Variants in FEM1B observed in about 807,000 individuals in gnomAD.
The protein encoded by FEM1B is fem-1 homolog B, also known as protein fem-1 homolog B.
Under a neutral mutation model 38.6 loss-of-function variants are expected in FEM1B, and 10 were observed. The ratio of observed to expected loss-of-function variants is 0.26; its 90% CI spans 0.16 to 0.44. FEM1B has a LOEUF of 0.44. Ranked by LOEUF, FEM1B falls within the 20% of genes least tolerant of loss-of-function variation. The pLI is 1.00. For missense variants in FEM1B, 471 were observed against 786.7 expected, an observed-to-expected ratio of 0.60 and a Z score of 4.80; for synonymous variants, 288 against 288.0, an observed-to-expected ratio of 1.00 and a Z score of 0.00.
chr15:68,286,474 TCACACA>T (rs58268546), intron 1 of FEM1B, among the ~76,000 whole-genome samples: 3 of 149,716 alleles, frequency 2.0e-5, no homozygotes, highest in African/African-American at 4.9e-5. Context: ...CCTCTTGGAC[TCACACA>T]CACACACACA....
rs1417397170 is a variant in FEM1B at position 68,292,725 on chromosome 15, A to G, written c.*1483A>G. 1 of 151,936 alleles carries G rather than the reference A, an allele frequency of 6.6e-6. No individual in the cohort carries two copies. The highest frequency in any genetic ancestry group is 6.6e-5 in the Admixed American group (1 of 15,254). 9.4% of individuals were successfully genotyped at this position (151,936 alleles called of 1,614,324 possible). A position where few individuals can be genotyped will look rare whatever the true frequency, so the allele number is the denominator to read the frequency against. ...AAAAAAAGGTTTCAATTAACATTTT[A>G]TATATGGATAATGCTTTGTAAAGTG... On this transcript the variant is annotated 3_prime_UTR_variant, in exon 2 of 2. Coordinates refer to ENST00000306917, the MANE Select transcript of FEM1B (RefSeq NM_015322.5).
Position 68,288,101 on chromosome 15 carries a change from A to G in FEM1B, c.249-1506A>G, listed in dbSNP as rs1032296191. On this transcript the variant is annotated intron_variant, in intron 1 of 1. Transcript: ENST00000306917. This position sits in a 1 kb window ranked among gnomAD's most constrained non-coding sequence, Gnocchi z 4.6. ...CACTTCAGCCTCCCAAAGTACTGAG[A>G]TGATAGGCGTGAGCCACCATGCCAG... Among the ~76,000 whole-genome samples the G allele has an allele frequency of 4.2e-4, 64 of 152,188 alleles. No homozygotes were observed. The highest frequency in any genetic ancestry group is 1.5e-3 in the African/African-American group (62 of 41,416).
At position 68,278,284 on chromosome 15, in the gene FEM1B, C is replaced by CGCGGCG. The variant is rs565648577; in HGVS notation, c.-127_-122dup. 3.3e-4 allele frequency: 396 copies of CGCGGCG among 1,199,216 alleles called. 1 individual carries two copies. In the African/African-American group the frequency reaches 5.5e-3, roughly 17 times the overall value. The allele number at this position is 1,199,216 out of a possible 1,614,324, so 74.3% of individuals were successfully genotyped here. On this transcript the variant is annotated 5_prime_UTR_variant, in exon 1 of 2. Coordinates refer to ENST00000306917, the MANE Select transcript of FEM1B (RefSeq NM_015322.5). This position sits in a 1 kb window ranked among gnomAD's most constrained non-coding sequence, Gnocchi z 5.7. ...TCCCTGGGCCGCACTGCTGCCTGGG[C>CGCGGCG]GCGGCGGCGGCGACGGCGCCCTGTT... is the stretch of plus-strand genomic sequence containing the variant.
chr15:68,281,765 C>T lies in FEM1B; in HGVS notation c.248+3100C>T, dbSNP rs1414155250. Among the ~76,000 whole-genome samples, 2 of 152,106 alleles carry T rather than the reference C, an allele frequency of 1.3e-5. No homozygotes were observed. Among genetic ancestry groups the T allele is most frequent in the East Asian group, 3.9e-4 (2 of 5,186 alleles). Reference sequence around the variant, plus strand: ...CCCGAGTAGCTGGGACTACAGGTGCCCACAACCATGCCTGGCTATTTTTTG... The same window carrying T: ...CCCGAGTAGCTGGGACTACAGGTGCTCACAACCATGCCTGGCTATTTTTTG... On this transcript the variant is annotated intron_variant, in intron 1 of 1. Transcript: ENST00000306917. The surrounding 1 kb of genome is among the most constrained non-coding windows in gnomAD (Gnocchi z 5.1).
In FEM1B at chr15:68,280,297, C is replaced by T. The variant is rs924688383; in HGVS notation, c.248+1632C>T. On this transcript the variant is annotated intron_variant, in intron 1 of 1. Coordinates refer to ENST00000306917, the MANE Select transcript of FEM1B (RefSeq NM_015322.5). The surrounding 1 kb of genome is among the most constrained non-coding windows in gnomAD (Gnocchi z 4.2). ...TACTGGCCAGAGAAATTAATGAGTT[C>T]GGTAAGTAAACATTTATTGAACACC... 2 of 152,050 alleles carry T rather than the reference C, an allele frequency of 1.3e-5. No individual in the cohort carries two copies. Among genetic ancestry groups the T allele is most frequent in the African/African-American group, 2.4e-5 (1 of 41,388 alleles). The allele number at this position is 152,050 out of a possible 1,614,324, so 9.4% of individuals were successfully genotyped here.
chr15:68,286,850 A>C (rs1595840907), intron 1 of FEM1B, among the ~76,000 whole-genome samples: 2 of 149,070 alleles, frequency 1.3e-5, no homozygotes, highest in East Asian at 3.8e-4. Flanking sequence ...TTTGCAAAAC[A>C]TATAGTTGGC....
Position 68,288,133 on chromosome 15 carries a change from C to T in FEM1B, c.249-1474C>T, listed in dbSNP as rs115820186. Among the ~76,000 whole-genome samples, 1,409 of 152,294 alleles carry T rather than the reference C, an allele frequency of 9.3e-3. 27 individuals carry two copies. Among genetic ancestry groups the T allele is most frequent in the African/African-American group, 0.032 (1,345 of 41,574 alleles). On this transcript the variant is annotated intron_variant, in intron 1 of 1. Coordinates refer to ENST00000306917, the MANE Select transcript of FEM1B (RefSeq NM_015322.5). The surrounding 1 kb of genome is among the most constrained non-coding windows in gnomAD (Gnocchi z 4.6). ...GCGTGAGCCACCATGCCAGGCCTAA[C>T]GCCTCTTGTGTGTGGTCCTTAATTT...
rs1007123977 is a variant in FEM1B, at chr15:68,294,585, C to T, written c.*3343C>T. ...CCACTTTGGGTTATTTAAGCAGAAG[C>T]GTTTCTTTTTTTTTTTTGGAATGGG... On this transcript the variant is annotated 3_prime_UTR_variant, in exon 2 of 2. Coordinates refer to ENST00000306917, the MANE Select transcript of FEM1B (RefSeq NM_015322.5). This position sits in a 1 kb window ranked among gnomAD's most constrained non-coding sequence, Gnocchi z 4.4. 4 of 151,008 alleles carry T rather than the reference C, an allele frequency of 2.6e-5. No homozygotes were observed. The highest frequency in any genetic ancestry group is 1.9e-4 in the East Asian group (1 of 5,160). The allele number at this position is 151,008 out of a possible 1,614,324, so 9.4% of individuals were successfully genotyped here.
intron 1 of FEM1B, among the ~76,000 whole-genome samples, chr15:68,287,609 A>T (rs911579862): frequency 6.6e-6 from 1 of 152,176 alleles, no homozygotes; most frequent in African/African-American, 2.4e-5. Flanking sequence ...CATGATATTT[A>T]TATGTCTTAG....
rs1306040853 is a variant in FEM1B at position 68,288,589 on chromosome 15, A to T, written c.249-1018A>T. ...GACTCTAGCAATAGTCTAATTTTGTATGTTAAGTAGTGAATCTAGCACATA... is the reference window on the plus strand; with the variant it reads ...GACTCTAGCAATAGTCTAATTTTGTTTGTTAAGTAGTGAATCTAGCACATA... On this transcript the variant is annotated intron_variant, in intron 1 of 1. Transcript: ENST00000306917. This position sits in a 1 kb window ranked among gnomAD's most constrained non-coding sequence, Gnocchi z 4.6. Among the ~76,000 whole-genome samples the T allele has an allele frequency of 2.0e-5, 3 of 152,236 alleles. No individual in the cohort carries two copies. The highest frequency in any genetic ancestry group is 4.8e-5 in the African/African-American group (2 of 41,468).
rs564161785 is a variant in FEM1B at position 68,278,014 on chromosome 15, C to T, written c.-404C>T. On this transcript the variant is annotated 5_prime_UTR_variant, in exon 1 of 2. Coordinates refer to ENST00000306917, the MANE Select transcript of FEM1B (RefSeq NM_015322.5). This position sits in a 1 kb window ranked among gnomAD's most constrained non-coding sequence, Gnocchi z 5.7. ...CAGGAGAGACGCGCCCATCTTTCGC[C>T]ATCCGGGGTGCGCGAGGTCCTCTCG... 138 of 202,904 alleles carry T rather than the reference C, an allele frequency of 6.8e-4. 1 individual carries two copies. The South Asian group carries it at 0.01, about 15-fold the overall frequency. The allele number at this position is 202,904 out of a possible 1,614,324, so 12.6% of individuals were successfully genotyped here.
rs921751617 is a variant in FEM1B, at chr15:68,287,664, T to G, written c.249-1943T>G. ...ACAAAATACCTGACACTGTAATTTATGAACAGAAATTTATTTCTCATATTT... is the reference window on the plus strand; with the variant it reads ...ACAAAATACCTGACACTGTAATTTAGGAACAGAAATTTATTTCTCATATTT... On this transcript the variant is annotated intron_variant, in intron 1 of 1. Coordinates refer to ENST00000306917, the MANE Select transcript of FEM1B (RefSeq NM_015322.5). 3.3e-5 allele frequency among the ~76,000 whole-genome samples: 5 copies of G among 152,300 alleles called. No homozygotes were observed. The South Asian group carries it at 8.3e-4, about 25-fold the overall frequency.
Position 68,288,572 on chromosome 15 carries a change from C to A in FEM1B, c.249-1035C>A, listed in dbSNP as rs1298893787. On this transcript the variant is annotated intron_variant, in intron 1 of 1. Transcript: ENST00000306917. The surrounding 1 kb of genome is among the most constrained non-coding windows in gnomAD (Gnocchi z 4.6). The stretch of plus-strand genomic sequence containing the variant: ...AAAGGTGGGAAAGATCAGACTCTAG[C>A]AATAGTCTAATTTTGTATGTTAAGT... 6.6e-6 allele frequency among the ~76,000 whole-genome samples: 1 copy of A among 152,114 alleles called. No homozygotes were observed. Among genetic ancestry groups the A allele is most frequent in the African/African-American group, 2.4e-5 (1 of 41,412 alleles).
intron 1 of FEM1B, among the ~76,000 whole-genome samples, chr15:68,286,217 GT>G (rs371468348): frequency 1.1e-3 from 145 of 137,878 alleles, no homozygotes; most frequent in Middle Eastern, 7.5e-3. Context: ...TATTTCTGGA[GT>G]TTTTTTTTTT....
intron 1 of FEM1B, among the ~76,000 whole-genome samples, chr15:68,287,069 T>C (rs1437547882): frequency 6.6e-6 from 1 of 152,198 alleles, no homozygotes; most frequent in East Asian, 1.9e-4. Flanking sequence ...TTTTGTATTA[T>C]TGGTAGAGAC....
At position 68,284,654 on chromosome 15, in the gene FEM1B, C is replaced by T. The variant is rs554486995; in HGVS notation, c.249-4953C>T. 3.9e-5 allele frequency among the ~76,000 whole-genome samples: 6 copies of T among 152,174 alleles called. No individual in the cohort carries two copies. In the South Asian group the frequency reaches 1.2e-3, roughly 32 times the overall value. ...GAACACTTTATCACTCTAAAAGTTTCCCTTGTGCCCCTTCTCAGTTTCCTC... is the reference window on the plus strand; with the variant it reads ...GAACACTTTATCACTCTAAAAGTTTTCCTTGTGCCCCTTCTCAGTTTCCTC... On this transcript the variant is annotated intron_variant, in intron 1 of 1. Transcript: ENST00000306917. The surrounding 1 kb of genome is among the most constrained non-coding windows in gnomAD (Gnocchi z 4.4).
At chr15:68,282,719 G>A (rs181727460) in intron 1 of FEM1B, among the ~76,000 whole-genome samples, 102 of 152,224 alleles carry the variant, frequency 6.7e-4, no homozygotes, top group African/African-American at 2.3e-3. Context: ...TCTCCTTTAG[G>A]AACTTAGTAA....
rs1208619556 is a variant in FEM1B at position 68,281,287 on chromosome 15, C to T, written c.248+2622C>T. 2.0e-5 allele frequency among the ~76,000 whole-genome samples: 3 copies of T among 152,190 alleles called. No homozygotes were observed. The highest frequency in any genetic ancestry group is 7.2e-5 in the African/African-American group (3 of 41,456). ...AGTGTTTCTAATTTTTAGTCATTCACGTGCTAGCTTCATAATTTTTGGCCA... is the reference window on the plus strand; with the variant it reads ...AGTGTTTCTAATTTTTAGTCATTCATGTGCTAGCTTCATAATTTTTGGCCA... On this transcript the variant is annotated intron_variant, in intron 1 of 1. Transcript: ENST00000306917. This position sits in a 1 kb window ranked among gnomAD's most constrained non-coding sequence, Gnocchi z 5.1.
Position 68,295,814 on chromosome 15 carries a change from G to C in FEM1B, c.*4572G>C, listed in dbSNP as rs1892901174. 1 of 152,126 alleles carries C rather than the reference G, an allele frequency of 6.6e-6. No individual in the cohort carries two copies. The highest frequency in any genetic ancestry group is 1.5e-5 in the Non-Finnish European group (1 of 68,000). The allele number at this position is 152,126 out of a possible 1,614,324, so 9.4% of individuals were successfully genotyped here. A position where few individuals can be genotyped will look rare whatever the true frequency, so the allele number is the denominator to read the frequency against. On this transcript the variant is annotated 3_prime_UTR_variant, in exon 2 of 2. Transcript: ENST00000306917. ...CTAATTTGAAACTAACAATCTTGCT[G>C]TGTAAAAGGAAAAAATGGTGTTTGT...
Sources: allele counts gnomAD v4.1 joint callset (sites outside exome capture counted in the v4.1 genomes callset), GRCh38; gene constraint gnomAD v4.1.1; non-coding constraint Gnocchi (gnomAD v3.1); transcripts MANE v1.5; gene names NCBI Gene and HGNC (gene_info 2026-07-23, HGNC 2026-07-21).